The following NKD1 variants were observed in gnomAD, a reference collection of about 807,000 sequenced individuals.
The protein encoded by NKD1 is protein naked cuticle homolog 1.
Under a neutral mutation model 56.0 loss-of-function variants are expected in NKD1, and 21 were observed. The observed-to-expected ratio is 0.38, with a 90% confidence interval of 0.27 to 0.54. The LOEUF (loss-of-function observed/expected upper bound fraction) is 0.54, where lower values mean the gene tolerates loss of function less well. Among genes scored for constraint, NKD1 ranks in the 20% least tolerant of loss-of-function variants. NKD1 has a pLI of 0.82. For synonymous variants in NKD1, 263 were observed against 265.7 expected, an observed-to-expected ratio of 0.99 and a Z score of 0.10; for missense variants, 578 against 642.7, an observed-to-expected ratio of 0.90 and a Z score of 1.09.
chr16:50,575,695 A>G (rs987467833), intron 3 of NKD1, among the ~76,000 whole-genome samples: 1 of 152,238 alleles, frequency 6.6e-6, no homozygotes, highest in Admixed American at 6.5e-5. Flanking sequence ...AAAATATTTA[A>G]TTAATTGCCA....
intron 3 of NKD1, among the ~76,000 whole-genome samples, chr16:50,583,101 T>C (rs1040739085): frequency 4.6e-5 from 7 of 152,144 alleles, no homozygotes; most frequent in African/African-American, 1.2e-4. Context: ...GGTGAGAGGT[T>C]TGGTGGCTTA....
At chr16:50,607,949 C>A in intron 3 of NKD1, 1 of 262,420 alleles carries the variant, frequency 3.8e-6, no homozygotes, top group South Asian at 5.7e-5. Flanking sequence ...GATGAGATCC[C>A]AGATATCCTT....
chr16:50,625,429 C>A, intron 5 of NKD1, 56 bp from the exon 6 acceptor site: 1 of 1,248,228 alleles, frequency 8.0e-7, no homozygotes, highest in Non-Finnish European at 1.2e-6. Flanking sequence ...GCTTCCACTA[C>A]CCAGTCAGTG....
At chr16:50,631,569 TG>T (rs965592099) in intron 8 of NKD1, among the ~76,000 whole-genome samples, 3 of 152,026 alleles carry the variant, frequency 2.0e-5, no homozygotes, top group Non-Finnish European at 2.9e-5. Flanking sequence ...CAGCCAGGTG[TG>T]GGGACAGGGC....
chr16:50,549,370 AC>A, intron 2 of NKD1, 51 bp from the exon 3 acceptor site: 2 of 1,585,548 alleles, frequency 1.3e-6, no homozygotes, highest in Non-Finnish European at 1.7e-6. Context: ...CGCGGGGGTA[AC>A]TTTTGGCACC....
chr16:50,631,417 G>A (rs1962342866), intron 8 of NKD1, among the ~76,000 whole-genome samples: 1 of 152,192 alleles, frequency 6.6e-6, no homozygotes, highest in African/African-American at 2.4e-5. Context: ...AAGAGAGATT[G>A]TTTAAAGAAA....
intron 3 of NKD1, among the ~76,000 whole-genome samples, chr16:50,601,470 C>A (rs2151273960): frequency 6.6e-6 from 1 of 152,306 alleles, no homozygotes; most frequent in Admixed American, 6.5e-5. Context: ...TGTTTGAGGG[C>A]AAAACAGACC....
chr16:50,620,810 G>T (rs1962069013), intron 4 of NKD1, among the ~76,000 whole-genome samples: 1 of 152,146 alleles, frequency 6.6e-6, no homozygotes, highest in Non-Finnish European at 1.5e-5. Context: ...GTAGGTCCTG[G>T]GATTTCACAC....
chr16:50,595,881 A>T (rs1961461286), intron 3 of NKD1, among the ~76,000 whole-genome samples: 1 of 152,272 alleles, frequency 6.6e-6, no homozygotes, highest in East Asian at 1.9e-4. Flanking sequence ...AGGGGCAGGC[A>T]GTGGCCTTCT....
In NKD1 at chr16:50,625,450, T is replaced by C. The variant is rs754721831; in HGVS notation, c.367-35T>C. 5.5e-6 allele frequency: 8 copies of C among 1,462,996 alleles called. No homozygotes were observed. The African/African-American group carries it at 9.7e-5, about 18-fold the overall frequency. The allele number at this position is 1,462,996 out of a possible 1,614,324, so 90.6% of individuals were successfully genotyped here. Reference sequence around the variant, plus strand: ...ACTACCCAGTCAGTGTTGCCACAGATAGGGGACCAGCCCCGCCCATCTCTC... The same window carrying C: ...ACTACCCAGTCAGTGTTGCCACAGACAGGGGACCAGCCCCGCCCATCTCTC... On this transcript the variant is annotated intron_variant, in intron 5 of 9. Transcript: ENST00000268459.
At chr16:50,626,520 A>C (rs1340362998) in intron 6 of NKD1, among the ~76,000 whole-genome samples, 1 of 152,182 alleles carries the variant, frequency 6.6e-6, no homozygotes, top group Non-Finnish European at 1.5e-5. Flanking sequence ...AGTCCTGGGC[A>C]GGCAGACGCC....
chr16:50,561,143 G>A (rs1338144968), intron 3 of NKD1, among the ~76,000 whole-genome samples: 1 of 152,132 alleles, frequency 6.6e-6, no homozygotes, highest in Non-Finnish European at 1.5e-5. Flanking sequence ...GGAATGAAGA[G>A]GATGAGCAGT....
Position 50,623,814 on chromosome 16 carries a change from A to C in NKD1, c.367-1671A>C, listed in dbSNP as rs1029574532. ...TGCACGTATAGGGGTATACCTGTGT[A>C]GGTATGCGTGTGTGTAGGTACGTGT... On this transcript the variant is annotated intron_variant, in intron 5 of 9. Coordinates refer to ENST00000268459, the MANE Select transcript of NKD1 (RefSeq NM_033119.5). The surrounding 1 kb of genome is among the most constrained non-coding windows in gnomAD (Gnocchi z 4.1). Among the ~76,000 whole-genome samples the C allele has an allele frequency of 2.7e-5, 4 of 147,986 alleles. No homozygotes were observed. The highest frequency in any genetic ancestry group is 1.0e-4 in the African/African-American group (4 of 39,682).
At chr16:50,627,147 C>T (rs1391380628) in intron 6 of NKD1, among the ~76,000 whole-genome samples, 3 of 150,302 alleles carry the variant, frequency 2.0e-5, no homozygotes, top group South Asian at 2.1e-4. Flanking sequence ...CTGCTGTATT[C>T]GAAAAAAAAA....
Position 50,643,747 on chromosome 16 carries a change from T to C in NKD1, c.*9966T>C, listed in dbSNP as rs1354125472. 1 of 152,288 alleles carries C rather than the reference T, an allele frequency of 6.6e-6. No individual in the cohort carries two copies. The highest frequency in any genetic ancestry group is 1.5e-5 in the Non-Finnish European group (1 of 68,052). The allele number at this position is 152,288 out of a possible 1,614,324, so 9.4% of individuals were successfully genotyped here. The stretch of plus-strand genomic sequence containing the variant: ...CCAATCAGTGCATAACCTTGTTTTA[T>C]GTGTGCTTCTGTTTAAAGATGCCTA... On this transcript the variant is annotated 3_prime_UTR_variant, in exon 10 of 10. Transcript: ENST00000268459.
intron 4 of NKD1, among the ~76,000 whole-genome samples, chr16:50,613,238 C>G (rs1567349196): frequency 6.6e-6 from 1 of 151,990 alleles, no homozygotes; most frequent in Admixed American, 6.6e-5. Context: ...CCGTGGGATA[C>G]CTGGTGATTG....
At chr16:50,573,964 G>C (rs1286602797) in intron 3 of NKD1, 2 of 978,550 alleles carry the variant, frequency 2.0e-6, no homozygotes, top group Middle Eastern at 5.3e-4. Flanking sequence ...ACATGTATAT[G>C]ACATATATGT....
chr16:50,619,831 TG>T (rs1159477809), intron 4 of NKD1, among the ~76,000 whole-genome samples: 18 of 152,106 alleles, frequency 1.2e-4, no homozygotes, highest in Admixed American at 1.2e-3. Flanking sequence ...AGAACCCACG[TG>T]GAGATGACCA....
chr16:50,586,543 C>T (rs761328356), intron 3 of NKD1, among the ~76,000 whole-genome samples: 18 of 152,036 alleles, frequency 1.2e-4, no homozygotes, highest in Non-Finnish European at 1.6e-4. Flanking sequence ...TCTTCTGTTC[C>T]GACTTTTGAG....
Sources: allele counts gnomAD v4.1 joint callset (sites outside exome capture counted in the v4.1 genomes callset), GRCh38; gene constraint gnomAD v4.1.1; non-coding constraint Gnocchi (gnomAD v3.1); transcripts MANE v1.5; gene names NCBI Gene and HGNC (gene_info 2026-07-23, HGNC 2026-07-21).